Variants in CDH4 observed in about 807,000 individuals in gnomAD.
CDH4 encodes cadherin-4.
CDH4 carries 33 observed loss-of-function variants against 86.0 expected under a neutral mutation model. That is an observed-to-expected ratio of 0.38 (90% CI 0.29 to 0.51). The LOEUF (loss-of-function observed/expected upper bound fraction) is 0.51. Ranked by LOEUF, CDH4 falls within the 20% of genes least tolerant of loss-of-function variation. The pLI, the probability that CDH4 is intolerant of heterozygous loss-of-function variation, is 0.86. For synonymous variants in CDH4, 555 were observed against 549.4 expected (o/e 1.01, Z -0.14); for missense variants, 1,114 against 1,307.4 (o/e 0.85, Z 2.28).
rs140126076 is a variant in CDH4, at chr20:61,807,711, G to A, written c.576+34529G>A. 6.6e-6 allele frequency among the ~76,000 whole-genome samples: 1 copy of A among 152,334 alleles called. No individual in the cohort carries two copies. The highest frequency in any genetic ancestry group is 1.9e-4 in the East Asian group (1 of 5,180). ...GGACGGCTCTTCAGACTCAAACGGTGTGATGAACAAACCGACTCGGAAAAT... is the reference window on the plus strand; with the variant it reads ...GGACGGCTCTTCAGACTCAAACGGTATGATGAACAAACCGACTCGGAAAAT... On this transcript the variant is annotated intron_variant, in intron 4 of 15. Coordinates refer to ENST00000614565, the MANE Select transcript of CDH4 (RefSeq NM_001794.5). The surrounding 1 kb of genome is among the most constrained non-coding windows in gnomAD (Gnocchi z 4.5).
chr20:61,387,279 AACAC>A (rs1208563398), intron 2 of CDH4, among the ~76,000 whole-genome samples: 1 of 148,180 alleles, frequency 6.7e-6, no homozygotes, highest in Non-Finnish European at 1.5e-5. Context: ...CACAAACACA[AACAC>A]ACAGCCACAC....
At chr20:61,538,728 G>A (rs745687907) in intron 2 of CDH4, among the ~76,000 whole-genome samples, 5 of 152,178 alleles carry the variant, frequency 3.3e-5, no homozygotes, top group Admixed American at 2.0e-4. Context: ...CACTGGGTGC[G>A]ACTGTCCCCA....
chr20:61,465,207 C>T (rs2085465805), intron 2 of CDH4, among the ~76,000 whole-genome samples: 1 of 152,144 alleles, frequency 6.6e-6, no homozygotes, highest in Admixed American at 6.5e-5. Context: ...GGAGAGATGG[C>T]ATTTTGATTA....
intron 2 of CDH4, among the ~76,000 whole-genome samples, chr20:61,422,939 C>A (rs1373004567): frequency 1.3e-5 from 2 of 152,044 alleles, no homozygotes; most frequent in South Asian, 4.2e-4. Context: ...AAAACCCATG[C>A]GATAAGGGAT....
In CDH4 at chr20:61,796,809, G is replaced by A. The variant is rs936010567; in HGVS notation, c.576+23627G>A. Among the ~76,000 whole-genome samples, 16 of 152,172 alleles carry A rather than the reference G, an allele frequency of 1.1e-4. No individual in the cohort carries two copies. In the East Asian group the frequency reaches 2.1e-3, roughly 20 times the overall value. On this transcript the variant is annotated intron_variant, in intron 4 of 15. Transcript: ENST00000614565. ...CTAGAAACTGGAGTATGTGAGAACC[G>A]AGGGGTGGGAGGGAGAAAATGGAGC...
At chr20:61,254,733 A>G (rs1055012800) in intron 1 of CDH4, 93 bp from the exon 2 acceptor site, 1 of 840,790 alleles carries the variant, frequency 1.2e-6, no homozygotes, top group Non-Finnish European at 2.0e-6. Flanking sequence ...TCTCTTAGCC[A>G]GAGACCTTTT....
intron 2 of CDH4, among the ~76,000 whole-genome samples, chr20:61,367,483 G>T (rs747207462): frequency 4.3e-4 from 66 of 152,176 alleles, no homozygotes; most frequent in Admixed American, 7.9e-4. Flanking sequence ...AGCTTGAAGG[G>T]GCTCCCACTG....
At chr20:61,633,404 C>T (rs2145791313) in intron 2 of CDH4, among the ~76,000 whole-genome samples, 1 of 151,918 alleles carries the variant, frequency 6.6e-6, no homozygotes, top group East Asian at 1.9e-4. Flanking sequence ...CATCCACCCA[C>T]CCACTCATGC....
chr20:61,305,982 A>G (rs1004873153), intron 2 of CDH4, among the ~76,000 whole-genome samples: 3 of 152,158 alleles, frequency 2.0e-5, no homozygotes, highest in African/African-American at 7.2e-5. Flanking sequence ...ACTTCCGTTG[A>G]CCTTTTGTCT....
intron 2 of CDH4, among the ~76,000 whole-genome samples, chr20:61,414,587 T>A (rs578068047): frequency 6.6e-6 from 1 of 152,318 alleles, no homozygotes; most frequent in South Asian, 2.1e-4. Context: ...ATATTAATAA[T>A]GCTCACTATT....
At chr20:61,441,603 C>T (rs538152378) in intron 2 of CDH4, among the ~76,000 whole-genome samples, 154 of 152,288 alleles carry the variant, frequency 1.0e-3, no homozygotes, top group Non-Finnish European at 1.7e-3. Context: ...GGACTCTGCC[C>T]TCAGGAATGG....
chr20:61,475,746 A>T (rs987015063), intron 2 of CDH4, among the ~76,000 whole-genome samples: 3 of 146,632 alleles, frequency 2.0e-5, no homozygotes, highest in Non-Finnish European at 4.5e-5. Context: ...TCATGGCTTA[A>T]GGTAAACCTT....
At chr20:61,691,962 G>A (rs1307156954) in intron 2 of CDH4, among the ~76,000 whole-genome samples, 19 of 152,152 alleles carry the variant, frequency 1.2e-4, no homozygotes, top group East Asian at 1.9e-4. Flanking sequence ...GTGTATTATC[G>A]GAATCTGCAA....
intron 2 of CDH4, among the ~76,000 whole-genome samples, chr20:61,600,953 C>T (rs1568706840): frequency 6.6e-6 from 1 of 152,170 alleles, no homozygotes; most frequent in African/African-American, 2.4e-5. Context: ...TGCTGTCTGG[C>T]GAGCTCCTAC....
intron 6 of CDH4, among the ~76,000 whole-genome samples, chr20:61,867,841 C>T (rs370610060): frequency 1.3e-5 from 2 of 152,164 alleles, no homozygotes; most frequent in Non-Finnish European, 2.9e-5. Flanking sequence ...GGAGTGGGTG[C>T]GTAAACTAAG....
At chr20:61,707,499 G>A (rs970519712) in intron 2 of CDH4, among the ~76,000 whole-genome samples, 1 of 152,234 alleles carries the variant, frequency 6.6e-6, no homozygotes, top group African/African-American at 2.4e-5. Flanking sequence ...ACACGTGTGA[G>A]TGCCGTGTAA....
intron 2 of CDH4, among the ~76,000 whole-genome samples, chr20:61,560,863 C>T (rs1408655951): frequency 6.6e-6 from 1 of 152,338 alleles, no homozygotes; most frequent in Middle Eastern, 3.4e-3. Context: ...CTGGATCCCC[C>T]AGCCAGCGGA....
rs59456535 is a variant in CDH4 at position 61,760,872 on chromosome 20, T to C, written c.397-12131T>C. 6.2e-3 allele frequency among the ~76,000 whole-genome samples: 940 copies of C among 152,330 alleles called. 9 individuals are homozygous for C. Among genetic ancestry groups the C allele is most frequent in the African/African-American group, 0.022 (897 of 41,572 alleles). ...GTAAGAAAAAAATCCACTAAGTGCC[T>C]TTTCGGAATGAAACTCATGCAAATG... On this transcript the variant is annotated intron_variant, in intron 3 of 15. Transcript: ENST00000614565.
intron 2 of CDH4, among the ~76,000 whole-genome samples, chr20:61,526,396 C>T (rs1297098713): frequency 3.3e-5 from 5 of 152,048 alleles, no homozygotes; most frequent in Non-Finnish European, 5.9e-5. Context: ...AGGTGAGTGC[C>T]GGACCCCTCA....
Sources: allele counts gnomAD v4.1 joint callset (sites outside exome capture counted in the v4.1 genomes callset), GRCh38; gene constraint gnomAD v4.1.1; non-coding constraint Gnocchi (gnomAD v3.1); transcripts MANE v1.5; gene names NCBI Gene and HGNC (gene_info 2026-07-23, HGNC 2026-07-21).